The following TTLL7 variants were observed in gnomAD, a reference collection of about 807,000 sequenced individuals.
The protein encoded by TTLL7 is tubulin tyrosine ligase like 7, also known as tubulin polyglutamylase TTLL7.
TTLL7 carries 53 observed loss-of-function variants against 120.2 expected under a neutral mutation model. The ratio of observed to expected loss-of-function variants is 0.44; its 90% confidence interval spans 0.35 to 0.55. TTLL7 has a LOEUF of 0.55. Among genes scored for constraint, TTLL7 ranks in the 20% least tolerant of loss-of-function variants. The probability of loss-of-function intolerance (pLI) is 0.00; values close to 1 mark genes in which losing one functional copy is unlikely to be tolerated. For synonymous variants in TTLL7, 353 were observed against 351.7 expected (o/e 1.00, Z -0.04); for missense variants, 803 against 1,054.7 (o/e 0.76, Z 3.31).
At chr1:83,890,285 A>T (rs755687041) in intron 19 of TTLL7, 36 bp downstream of exon 19, 44 of 1,562,074 alleles carry the variant, frequency 2.8e-5, no homozygotes, top group Non-Finnish European at 3.6e-5. Context: ...GTAAAATATT[A>T]AAAATGACGA....
At chr1:83,924,786 T>C (rs890001181) in intron 10 of TTLL7, among the ~76,000 whole-genome samples, 1 of 152,026 alleles carries the variant, frequency 6.6e-6, no homozygotes, top group Admixed American at 6.6e-5. Context: ...AAGACAAAGG[T>C]GAACAAATAT....
At chr1:83,984,355 T>G (rs1304856507) in intron 1 of TTLL7, 1 of 152,194 alleles carries the variant, frequency 6.6e-6, no homozygotes, top group East Asian at 1.9e-4. Context: ...TGGAAGGCAG[T>G]TTGGAGATTT....
At chr1:83,995,430 A>C (rs908657611) in intron 1 of TTLL7, among the ~76,000 whole-genome samples, 1 of 151,428 alleles carries the variant, frequency 6.6e-6, no homozygotes, top group Non-Finnish European at 1.5e-5. Flanking sequence ...AGATCTGGTC[A>C]CTTAAAGTGT....
intron 6 of TTLL7, among the ~76,000 whole-genome samples, chr1:83,946,691 C>T (rs1648539231): frequency 6.6e-6 from 1 of 152,062 alleles, no homozygotes; most frequent in Non-Finnish European, 1.5e-5. Context: ...TATTTAAAGG[C>T]AAAGAAGATA....
intron 18 of TTLL7, among the ~76,000 whole-genome samples, chr1:83,899,084 T>C (rs1656489654): frequency 6.6e-6 from 1 of 151,864 alleles, no homozygotes; most frequent in Non-Finnish European, 1.5e-5. Flanking sequence ...ATGGAAAGTT[T>C]TATAAAACTT....
At chr1:83,878,733 C>G (rs4387198) in intron 20 of TTLL7, among the ~76,000 whole-genome samples, 1 of 151,750 alleles carries the variant, frequency 6.6e-6, no homozygotes, top group Non-Finnish European at 1.5e-5. Context: ...GCTATGGAAC[C>G]CCTTGTGAAA....
chr1:83,990,059 A>G (rs141242368), intron 1 of TTLL7, among the ~76,000 whole-genome samples: 4 of 151,720 alleles, frequency 2.6e-5, no homozygotes, highest in African/African-American at 7.3e-5. Flanking sequence ...CTGAAACTGT[A>G]TAACAGCTGT....
chr1:83,979,193 G>A (rs1651755083), intron 1 of TTLL7: 1 of 152,230 alleles, frequency 6.6e-6, no homozygotes, highest in Non-Finnish European at 1.5e-5. Context: ...CAGTCTCTCT[G>A]AAGCCTCAGA....
rs148428291 is a variant in TTLL7 at position 83,879,487 on chromosome 1, G to A, written c.2543+3476C>T. 2.4e-3 allele frequency among the ~76,000 whole-genome samples: 364 copies of A among 152,092 alleles called. 1 individual carries two copies. Among genetic ancestry groups the A allele is most frequent in the Non-Finnish European group, 4.0e-3 (269 of 67,932 alleles). ...CATCTTTTCTTGCTCACCTGCCAAT[G>A]CTAAAAGAAGACTTTATGGGCTAGT... On this transcript the variant is annotated intron_variant, in intron 20 of 20. Transcript: ENST00000260505.
intron 18 of TTLL7, among the ~76,000 whole-genome samples, chr1:83,899,952 T>C (rs1038549343): frequency 6.6e-6 from 1 of 152,006 alleles, no homozygotes; most frequent in African/African-American, 2.4e-5. Flanking sequence ...GAAGTAGATA[T>C]ACTGGTATAT....
intron 8 of TTLL7, among the ~76,000 whole-genome samples, chr1:83,937,296 TG>T (rs1647491813): frequency 6.6e-6 from 1 of 151,780 alleles, no homozygotes; most frequent in Non-Finnish European, 1.5e-5. Flanking sequence ...CTACACCTCC[TG>T]GGTTCAAGCA....
At chr1:83,882,261 T>C (rs1394425105) in intron 20 of TTLL7, among the ~76,000 whole-genome samples, 2 of 148,958 alleles carry the variant, frequency 1.3e-5, no homozygotes, top group East Asian at 2.0e-4. Flanking sequence ...AAAATAATAA[T>C]AATAATAATT....
intron 18 of TTLL7, among the ~76,000 whole-genome samples, chr1:83,894,103 A>G (rs1041406323): frequency 6.6e-6 from 1 of 152,146 alleles, no homozygotes; most frequent in Non-Finnish European, 1.5e-5. Flanking sequence ...CTAATGTGAT[A>G]TAAGAATCAA....
chr1:83,971,588 T>G (rs1485829399), intron 1 of TTLL7, among the ~76,000 whole-genome samples: 1 of 152,090 alleles, frequency 6.6e-6, no homozygotes, highest in Non-Finnish European at 1.5e-5. Flanking sequence ...ACTGCTGGAA[T>G]CTTTCACTCA....
rs771359879 is a variant in TTLL7 at position 83,929,119 on chromosome 1, TAG to T, written c.1142+15_1142+16del. 6.4e-7 allele frequency: 1 copy of T among 1,555,450 alleles called. No homozygotes were observed. The highest frequency in any genetic ancestry group is 8.8e-7 in the Non-Finnish European group (1 of 1,135,298). On this transcript the variant is annotated intron_variant, in intron 10 of 20. Transcript: ENST00000260505. ...AATGTGGAGATAAATGTCCAAAAGATAGAGAGAGTATTTTACCTTATGTTTAG... is the reference window on the plus strand; with the variant it reads ...AATGTGGAGATAAATGTCCAAAAGATAGAGAGTATTTTACCTTATGTTTAG...
At chr1:83,882,939 G>T in intron 20 of TTLL7, 24 bp downstream of exon 20, 1 of 1,602,644 alleles carries the variant, frequency 6.2e-7, no homozygotes, top group Non-Finnish European at 8.5e-7. Flanking sequence ...AAACTCTCAA[G>T]GGTTAGAGAA....
At chr1:83,910,164 T>C (rs1476364974) in intron 15 of TTLL7, among the ~76,000 whole-genome samples, 1 of 152,176 alleles carries the variant, frequency 6.6e-6, no homozygotes, top group African/African-American at 2.4e-5. Flanking sequence ...AAAAGCTTCA[T>C]CTATTGGTTC....
chr1:83,921,055 T>C (rs763563114), intron 12 of TTLL7, 32 bp downstream of exon 12: 1 of 1,578,390 alleles, frequency 6.3e-7, no homozygotes, highest in Non-Finnish European at 8.6e-7. Flanking sequence ...ACTTCATTTT[T>C]TCAATCTATA....
chr1:83,911,262 G>C lies in TTLL7; in HGVS notation c.1689C>G (p.Asp563Glu). The C allele has an allele frequency of 6.2e-7, 1 of 1,612,626 alleles. No individual in the cohort carries two copies. Among genetic ancestry groups the C allele is most frequent in the Non-Finnish European group, 8.5e-7 (1 of 1,179,198 alleles). ...YDSSSSSSESDENEKEEYQNK... is the reference protein window; with the variant it reads ...YDSSSSSSESEENEKEEYQNK... The stretch of plus-strand genomic sequence containing the variant: ...TTTGGTACTCTTCTTTTTCATTTTC[G>C]TCAGATTCTGAAGAGCTGCTGCTAC... The change falls in exon 15 of 21, where the codon GAC (aspartate) becomes GAG (glutamate). Residue 563 changes from aspartate to glutamate, a missense_variant. Coordinates refer to ENST00000260505, the MANE Select transcript of TTLL7 (RefSeq NM_024686.6).
Sources: allele counts gnomAD v4.1 joint callset (sites outside exome capture counted in the v4.1 genomes callset), GRCh38; gene constraint gnomAD v4.1.1; transcripts MANE v1.5; gene names NCBI Gene and HGNC (gene_info 2026-07-23, HGNC 2026-07-21).